Variants in FSTL4 observed in about 807,000 individuals in gnomAD.
FSTL4 encodes the protein follistatin like 4.
FSTL4 carries 28 observed loss-of-function variants against 78.2 expected under a neutral mutation model. The observed-to-expected ratio is 0.36, with a 90% CI of 0.27 to 0.49. FSTL4 has a LOEUF of 0.49. FSTL4 is among the 20% of genes least tolerant of loss of function. The pLI is 0.98. For missense variants in FSTL4, 922 were observed against 1,084.9 expected, an observed-to-expected ratio of 0.85 and a Z score of 2.11; for synonymous variants, 422 against 440.5, an observed-to-expected ratio of 0.96 and a Z score of 0.53.
At chr5:133,262,986 C>A (rs1257672903) in intron 6 of FSTL4, among the ~76,000 whole-genome samples, 1 of 152,034 alleles carries the variant, frequency 6.6e-6, no homozygotes, top group East Asian at 1.9e-4. Context: ...GCGCTCTGGA[C>A]CGAGCATGGC....
the FSTL4 span, among the ~76,000 whole-genome samples, chr5:133,637,983 A>T: frequency 1.3e-5 from 2 of 151,212 alleles, no homozygotes; most frequent in Non-Finnish European, 2.9e-5. Flanking sequence ...ATAATAAATT[A>T]ATTAATGGGC....
At chr5:133,823,992 C>G in the FSTL4 span, among the ~76,000 whole-genome samples, 1 of 152,204 alleles carries the variant, frequency 6.6e-6, no homozygotes, top group Admixed American at 6.5e-5. Context: ...AGACAAATAC[C>G]TTTGAAGAGA....
intron 4 of FSTL4, among the ~76,000 whole-genome samples, chr5:133,345,945 A>G (rs1580636499): frequency 6.6e-6 from 1 of 152,262 alleles, no homozygotes; most frequent in Non-Finnish European, 1.5e-5. Context: ...ATGCACATGT[A>G]TGTTTATTGC....
chr5:133,824,279 T>G, the FSTL4 span, among the ~76,000 whole-genome samples: 7 of 152,336 alleles, frequency 4.6e-5, no homozygotes, highest in South Asian at 1.4e-3. Flanking sequence ...CCACTATAAA[T>G]GAGGGTTCCC....
chr5:133,446,157 G>A (rs1275068470), intron 3 of FSTL4, among the ~76,000 whole-genome samples: 5 of 152,100 alleles, frequency 3.3e-5, no homozygotes, highest in Admixed American at 1.3e-4. Flanking sequence ...GCAGGCTCTC[G>A]GGCCAGGCTC....
At chr5:133,671,085 T>C in the FSTL4 span, among the ~76,000 whole-genome samples, 1 of 152,150 alleles carries the variant, frequency 6.6e-6, no homozygotes, top group Admixed American at 6.5e-5. Flanking sequence ...GCCTGCTCCA[T>C]GAAAATAAGC....
intron 6 of FSTL4, among the ~76,000 whole-genome samples, chr5:133,293,066 G>A (rs544262524): frequency 1.2e-4 from 19 of 152,328 alleles, no homozygotes; most frequent in African/African-American, 4.1e-4. Context: ...TATGGACTGC[G>A]GAGGACCGTC....
intron 2 of FSTL4, among the ~76,000 whole-genome samples, chr5:133,593,505 G>T (rs1228506100): frequency 1.3e-5 from 2 of 152,074 alleles, no homozygotes; most frequent in African/African-American, 2.4e-5. Context: ...GACACCTAGA[G>T]ACTTCCGGCT....
At chr5:133,841,708 G>A in the FSTL4 span, among the ~76,000 whole-genome samples, 2 of 152,188 alleles carry the variant, frequency 1.3e-5, no homozygotes, top group African/African-American at 4.8e-5. Context: ...AGCAGGGAAG[G>A]CCCCAGCTGA....
chr5:133,545,493 G>A (rs1440800543), intron 3 of FSTL4, among the ~76,000 whole-genome samples: 1 of 152,166 alleles, frequency 6.6e-6, no homozygotes, highest in African/African-American at 2.4e-5. Flanking sequence ...CTCACCAGAA[G>A]TCACCCAGAT....
intron 3 of FSTL4, among the ~76,000 whole-genome samples, chr5:133,442,523 C>A (rs1757181879): frequency 6.6e-6 from 1 of 152,060 alleles, no homozygotes; most frequent in African/African-American, 2.4e-5. Context: ...AAAAAAAAAT[C>A]CTCATCCGTT....
chr5:133,711,645 A>G, the FSTL4 span, among the ~76,000 whole-genome samples: 1 of 152,236 alleles, frequency 6.6e-6, no homozygotes, highest in Non-Finnish European at 1.5e-5. Context: ...CTGTGATTAT[A>G]GAGAAGAAAC....
At chr5:133,224,168 G>A (rs1311618100) in intron 11 of FSTL4, 22 bp downstream of exon 11, 12 of 1,603,868 alleles carry the variant, frequency 7.5e-6, no homozygotes, top group East Asian at 2.2e-5. Flanking sequence ...CAGGCATGAC[G>A]CAAAACAATG....
chr5:133,787,113 C>A, the FSTL4 span, among the ~76,000 whole-genome samples: 1 of 152,144 alleles, frequency 6.6e-6, no homozygotes, highest in Non-Finnish European at 1.5e-5. Context: ...CTTTCAATAA[C>A]CAATCAGCAA....
intron 3 of FSTL4, among the ~76,000 whole-genome samples, chr5:133,527,683 C>T (rs1759165311): frequency 6.6e-6 from 1 of 152,182 alleles, no homozygotes; most frequent in African/African-American, 2.4e-5. Flanking sequence ...GAAATATTCT[C>T]CCCTTCTCTC....
chr5:133,360,576 G>A (rs1045274005), intron 4 of FSTL4, among the ~76,000 whole-genome samples: 1 of 148,100 alleles, frequency 6.8e-6, no homozygotes, highest in Non-Finnish European at 1.5e-5. Flanking sequence ...CCTAGACAAA[G>A]CAATAAAATC....
chr5:133,539,757 A>G (rs1334007921), intron 3 of FSTL4, among the ~76,000 whole-genome samples: 1 of 152,148 alleles, frequency 6.6e-6, no homozygotes, highest in Non-Finnish European at 1.5e-5. Context: ...AAGTTAGGAC[A>G]TTCAGGGACC....
chr5:133,683,119 C>T, the FSTL4 span, among the ~76,000 whole-genome samples: 2 of 51,460 alleles, frequency 3.9e-5, no homozygotes, highest in African/African-American at 1.6e-4. Flanking sequence ...GGTGTGTCTG[C>T]CAAGGGGTGT....
chr5:133,266,117 C>G (rs1335126990), intron 6 of FSTL4, among the ~76,000 whole-genome samples: 1 of 152,242 alleles, frequency 6.6e-6, no homozygotes, highest in African/African-American at 2.4e-5. Flanking sequence ...AGCCTGAGCA[C>G]TCCCAGGAGG....
Sources: allele counts gnomAD v4.1 joint callset (sites outside exome capture counted in the v4.1 genomes callset), GRCh38; gene constraint gnomAD v4.1.1; transcripts MANE v1.5; gene names NCBI Gene and HGNC (gene_info 2026-07-23, HGNC 2026-07-21).